Variants in RNF152 observed in about 807,000 individuals in gnomAD.
RNF152 encodes the protein E3 ubiquitin-protein ligase RNF152.
In RNF152, 11 loss-of-function variants were observed where a neutral mutation model predicts 12.7. The observed-to-expected ratio is 0.86, with a 90% CI of 0.54 to 1.43. The LOEUF (loss-of-function observed/expected upper bound fraction) is 1.43. Ranked by LOEUF, RNF152 falls within the 40% of genes most tolerant of loss-of-function variation. The pLI, the probability that RNF152 is intolerant of heterozygous loss-of-function variation, is 0.00. For missense variants in RNF152, 255 were observed against 274.8 expected (o/e 0.93, Z 0.51); for synonymous variants, 113 against 120.3 (o/e 0.94, Z 0.40).
intron 1 of RNF152, among the ~76,000 whole-genome samples, chr18:61,844,077 GGAAAGAAAGAAAGAAAGAAAGAAA>G (rs35978592): frequency 1.4e-3 from 96 of 68,494 alleles, no homozygotes; most frequent in Middle Eastern, 6.5e-3. Flanking sequence ...CAGAAAGAAA[GGAAAGAAAGAAAGAAAGAAAGAAA>G]GAAAGAAAGA....
At chr18:61,831,085 A>C (rs189967827) in intron 1 of RNF152, among the ~76,000 whole-genome samples, 187 of 152,350 alleles carry the variant, frequency 1.2e-3, no homozygotes, top group African/African-American at 4.2e-3. Context: ...TGTGGAAGAG[A>C]CTATGAATCA....
chr18:61,867,987 T>C (rs1465843841), intron 1 of RNF152, among the ~76,000 whole-genome samples: 1 of 152,172 alleles, frequency 6.6e-6, no homozygotes, highest in East Asian at 1.9e-4. Context: ...ATTAAATCAA[T>C]TTTGCTCACC....
chr18:61,865,556 G>C (rs774807618), intron 1 of RNF152, among the ~76,000 whole-genome samples: 5 of 152,160 alleles, frequency 3.3e-5, no homozygotes, highest in Non-Finnish European at 7.3e-5. Flanking sequence ...TGCCTTTATA[G>C]ACTTTGTTGA....
At chr18:61,853,728 C>T (rs530011978) in intron 1 of RNF152, among the ~76,000 whole-genome samples, 4 of 152,292 alleles carry the variant, frequency 2.6e-5, no homozygotes, top group African/African-American at 7.2e-5. Context: ...ATAAAAACCC[C>T]TGTGATTACA....
intron 1 of RNF152, among the ~76,000 whole-genome samples, chr18:61,829,191 C>T (rs1296073504): frequency 6.6e-6 from 1 of 152,156 alleles, no homozygotes; most frequent in African/African-American, 2.4e-5. Flanking sequence ...GGTGGTTTAG[C>T]TCTTCTCCTA....
chr18:61,831,382 G>A (rs1444989244), intron 1 of RNF152, among the ~76,000 whole-genome samples: 2 of 152,172 alleles, frequency 1.3e-5, no homozygotes, highest in African/African-American at 4.8e-5. Flanking sequence ...CTCTCTAAGT[G>A]GACACATTTT....
At chr18:61,832,879 A>G (rs1910012988) in intron 1 of RNF152, among the ~76,000 whole-genome samples, 1 of 152,216 alleles carries the variant, frequency 6.6e-6, no homozygotes, top group Non-Finnish European at 1.5e-5. Context: ...GCATATCATG[A>G]CCTTCACTCC....
intron 1 of RNF152, among the ~76,000 whole-genome samples, chr18:61,846,092 C>A (rs1356353460): frequency 6.6e-6 from 1 of 152,148 alleles, no homozygotes; most frequent in Non-Finnish European, 1.5e-5. Flanking sequence ...TGATCTTGGA[C>A]TTCCCAGCCT....
chr18:61,819,996 G>A (rs1366071975), intron 1 of RNF152, among the ~76,000 whole-genome samples: 2 of 133,244 alleles, frequency 1.5e-5, no homozygotes, highest in Non-Finnish European at 3.1e-5. Flanking sequence ...ACTCCAGCCT[G>A]AATGACAGAG....
intron 1 of RNF152, among the ~76,000 whole-genome samples, chr18:61,858,484 C>T (rs1228272530): frequency 6.6e-6 from 1 of 152,110 alleles, no homozygotes; most frequent in East Asian, 1.9e-4. Flanking sequence ...ATCCAGCCAC[C>T]TCTAGAAATA....
At chr18:61,834,480 A>G (rs1200376479) in intron 1 of RNF152, among the ~76,000 whole-genome samples, 1 of 152,180 alleles carries the variant, frequency 6.6e-6, no homozygotes, top group African/African-American at 2.4e-5. Flanking sequence ...AGGCACCTAC[A>G]CACACACCCA....
chr18:61,816,768 A>G (rs1308447054), intron 1 of RNF152, among the ~76,000 whole-genome samples, 170 bp from the exon 2 acceptor site: 1 of 152,248 alleles, frequency 6.6e-6, no homozygotes, highest in Non-Finnish European at 1.5e-5. Context: ...TGAAAGGCGA[A>G]TGAAAGTTGT....
At chr18:61,865,919 A>G (rs1435747856) in intron 1 of RNF152, among the ~76,000 whole-genome samples, 2 of 152,212 alleles carry the variant, frequency 1.3e-5, no homozygotes, top group African/African-American at 4.8e-5. Flanking sequence ...TCCCTGTTAG[A>G]ACAATCAGGC....
chr18:61,857,217 A>C (rs75956513), intron 1 of RNF152, among the ~76,000 whole-genome samples: 7,448 of 152,264 alleles, frequency 0.049, 616 homozygotes, highest in African/African-American at 0.17. Context: ...GAGAAAGTGC[A>C]GACACTTTTC....
At chr18:61,823,287 A>T (rs1909504109) in intron 1 of RNF152, among the ~76,000 whole-genome samples, 1 of 152,162 alleles carries the variant, frequency 6.6e-6, no homozygotes. Flanking sequence ...GAAAGTGAAA[A>T]TTGTCGTTTA....
chr18:61,841,268 T>C lies in RNF152; in HGVS notation c.-135-24670A>G, dbSNP rs535860763. ...TAAAATTCTGGACATTAGAAAGCTTTCACTTTATCAAGGTGGGAGAGGCAT... is the reference window on the plus strand; with the variant it reads ...TAAAATTCTGGACATTAGAAAGCTTCCACTTTATCAAGGTGGGAGAGGCAT... On this transcript the variant is annotated intron_variant, in intron 1 of 1. Coordinates refer to ENST00000312828, the MANE Select transcript of RNF152 (RefSeq NM_173557.3). 4.3e-4 allele frequency among the ~76,000 whole-genome samples: 66 copies of C among 152,314 alleles called. 1 individual carries two copies. The South Asian group carries it at 0.013, about 31-fold the overall frequency.
intron 1 of RNF152, among the ~76,000 whole-genome samples, chr18:61,876,991 A>G (rs1912241892): frequency 6.6e-6 from 1 of 152,166 alleles, no homozygotes; most frequent in Non-Finnish European, 1.5e-5. Context: ...GGAGACAGGG[A>G]TTTTGACTGA....
chr18:61,830,535 T>C (rs1460401173), intron 1 of RNF152, among the ~76,000 whole-genome samples: 1 of 152,238 alleles, frequency 6.6e-6, no homozygotes, highest in Admixed American at 6.5e-5. Flanking sequence ...ACTAAGCATG[T>C]CTTCAAGGTC....
At position 61,853,296 on chromosome 18, in the gene RNF152, C is replaced by CTTT. The variant is rs35190141; in HGVS notation, c.-135-36701_-135-36699dup. On this transcript the variant is annotated intron_variant, in intron 1 of 1. Coordinates refer to ENST00000312828, the MANE Select transcript of RNF152 (RefSeq NM_173557.3). ...TAACGGGAGAATCTGGTTCCTTGCC[C>CTTT]TTTTTTTTTTTTTTTTTTTGGAGAC... Among the ~76,000 whole-genome samples, 442 of 127,466 alleles carry CTTT rather than the reference C, an allele frequency of 3.5e-3. 10 individuals are homozygous for CTTT. Among genetic ancestry groups the CTTT allele is most frequent in the Non-Finnish European group, 5.3e-3 (324 of 61,158 alleles). 83.6% of individuals were successfully genotyped at this position (127,466 alleles called of 152,430 possible). A position where few individuals can be genotyped will look rare whatever the true frequency, so the allele number is the denominator to read the frequency against.
Sources: gnomAD v4.1 joint callset for allele counts (sites outside exome capture counted in the v4.1 genomes callset) on GRCh38, gnomAD v4.1.1 for gene constraint, MANE v1.5 for transcripts, NCBI Gene and HGNC (gene_info 2026-07-23, HGNC 2026-07-21) for gene names.